Variants in CYP4Z1 observed in about 807,000 individuals in gnomAD.
CYP4Z1 encodes the protein cytochrome P450 family 4 subfamily Z member 1.
In CYP4Z1, 41 loss-of-function variants were observed where a neutral mutation model predicts 54.2. The observed-to-expected ratio is 0.76, with a 90% CI of 0.59 to 0.98. The LOEUF is 0.98. Among genes scored for constraint, CYP4Z1 ranks in the 50% least tolerant of loss-of-function variants. The pLI, the probability that CYP4Z1 is intolerant of heterozygous loss-of-function variation, is 0.00. For synonymous variants in CYP4Z1, 163 were observed against 206.2 expected, an observed-to-expected ratio of 0.79 and a Z score of 1.79; for missense variants, 513 against 599.0, an observed-to-expected ratio of 0.86 and a Z score of 1.50.
upstream of CYP4Z1, among the ~76,000 whole-genome samples, chr1:47,064,715 T>A (rs1482593769): frequency 6.6e-6 from 1 of 151,890 alleles, no homozygotes; most frequent in African/African-American, 2.4e-5. Flanking sequence ...TAATATTGAG[T>A]GTAAATGGCC....
intron 9 of CYP4Z1, among the ~76,000 whole-genome samples, chr1:47,114,459 C>T (rs1644815275): frequency 1.3e-5 from 2 of 152,170 alleles, no homozygotes; most frequent in African/African-American, 2.4e-5. Context: ...TCTTATTAAA[C>T]TAAAGAGCTT....
chr1:47,114,254 G>A (rs1644813721), intron 9 of CYP4Z1, among the ~76,000 whole-genome samples: 1 of 152,230 alleles, frequency 6.6e-6, no homozygotes, highest in Admixed American at 6.5e-5. Flanking sequence ...GCAGAAAGCT[G>A]AAACTGGATC....
At chr1:47,106,075 C>T (rs916548470) in intron 8 of CYP4Z1, 53 bp from the exon 9 acceptor site, 3 of 1,565,652 alleles carry the variant, frequency 1.9e-6, no homozygotes, top group Non-Finnish European at 2.6e-6. Flanking sequence ...GCTTTCAGTG[C>T]AATGCCTAAG....
chr1:47,101,044 G>A (rs1054707492), intron 8 of CYP4Z1, among the ~76,000 whole-genome samples: 28 of 152,156 alleles, frequency 1.8e-4, no homozygotes, highest in African/African-American at 6.3e-4. Flanking sequence ...TTGTTAGTGT[G>A]CAGTTGTTCA....
chr1:47,112,779 T>C (rs1272779798), intron 9 of CYP4Z1, among the ~76,000 whole-genome samples: 1 of 152,016 alleles, frequency 6.6e-6, no homozygotes, highest in African/African-American at 2.4e-5. Context: ...GCCAAGTAAG[T>C]AGGTCATATT....
chr1:47,102,383 C>T lies in CYP4Z1; in HGVS notation c.1067+3099C>T, dbSNP rs1363318576. 3.3e-5 allele frequency among the ~76,000 whole-genome samples: 5 copies of T among 152,188 alleles called. No individual in the cohort carries two copies. In the South Asian group the frequency reaches 1.0e-3, roughly 32 times the overall value. ...GTTAGGTTGTATTCTGTAGTGGTAC[C>T]ATTTGAGCTTTTTCTCTGTCTTGTT... On this transcript the variant is annotated intron_variant, in intron 8 of 11. Coordinates refer to ENST00000334194, the MANE Select transcript of CYP4Z1 (RefSeq NM_178134.3).
intron 9 of CYP4Z1, among the ~76,000 whole-genome samples, chr1:47,114,113 A>G (rs538831327): frequency 6.6e-6 from 1 of 152,318 alleles, no homozygotes; most frequent in Admixed American, 6.5e-5. Context: ...GATCAATGGA[A>G]CAGAACAGAG....
chr1:47,089,705 C>G (rs1317636172), intron 6 of CYP4Z1, among the ~76,000 whole-genome samples: 1 of 152,212 alleles, frequency 6.6e-6, no homozygotes, highest in Non-Finnish European at 1.5e-5. Context: ...AAACTCCAAA[C>G]AGTGCTGCAG....
intron 9 of CYP4Z1, among the ~76,000 whole-genome samples, chr1:47,108,121 G>A (rs1317733065): frequency 2.6e-5 from 4 of 152,244 alleles, no homozygotes; most frequent in Admixed American, 2.0e-4. Flanking sequence ...ATTCCTTTCC[G>A]CCACACCTTC....
intron 2 of CYP4Z1, among the ~76,000 whole-genome samples, 194 bp downstream of exon 2, chr1:47,068,957 T>C (rs1240098375): frequency 1.3e-5 from 2 of 152,186 alleles, no homozygotes; most frequent in Non-Finnish European, 2.9e-5. Flanking sequence ...GATTCTCTGA[T>C]CCATTTTCAA....
chr1:47,092,380 C>CT (rs1471307749), intron 6 of CYP4Z1, among the ~76,000 whole-genome samples: 12 of 151,962 alleles, frequency 7.9e-5, no homozygotes, highest in Admixed American at 3.9e-4. Flanking sequence ...CTATCTGGTC[C>CT]TATAGCTTGC....
intron 9 of CYP4Z1, among the ~76,000 whole-genome samples, chr1:47,114,421 C>T (rs1443537722): frequency 2.0e-5 from 3 of 152,124 alleles, no homozygotes; most frequent in Admixed American, 2.0e-4. Context: ...AAAGCAATGG[C>T]AACAAAAGCC....
At chr1:47,090,770 C>CTTGGGTGTGAT (rs2148533135) in intron 6 of CYP4Z1, among the ~76,000 whole-genome samples, 1 of 147,668 alleles carries the variant, frequency 6.8e-6, no homozygotes, top group East Asian at 2.0e-4. Flanking sequence ...CAGGCTTTGA[C>CTTGGGTGTGAT]TTGAGTGTGA....
At chr1:47,068,489 C>T in intron 1 of CYP4Z1, 133 bp from the exon 2 acceptor site, 1 of 1,193,830 alleles carries the variant, frequency 8.4e-7, no homozygotes, top group Non-Finnish European at 1.2e-6. Flanking sequence ...GAAAACTTGC[C>T]TTCAACAGAT....
At chr1:47,084,561 A>T in intron 4 of CYP4Z1, 59 bp from the exon 5 acceptor site, 5 of 1,541,882 alleles carry the variant, frequency 3.2e-6, no homozygotes, top group Non-Finnish European at 4.3e-6. Flanking sequence ...ACATAAAATA[A>T]CTTAGAAATT....
intron 6 of CYP4Z1, 71 bp from the exon 7 acceptor site, chr1:47,094,495 G>A: frequency 1.8e-6 from 2 of 1,090,474 alleles, no homozygotes; most frequent in South Asian, 3.1e-5. Flanking sequence ...CAGCTTCTCA[G>A]AACTACATTT....
chr1:47,112,842 C>T (rs7545399), intron 9 of CYP4Z1, among the ~76,000 whole-genome samples: 64,924 of 151,798 alleles, frequency 0.43, 15,219 homozygotes, highest in East Asian at 0.96. Context: ...TAATTTATTA[C>T]ATTTATAGGT....
intron 6 of CYP4Z1, among the ~76,000 whole-genome samples, 178 bp downstream of exon 6, chr1:47,085,156 T>G (rs1644583336): frequency 6.6e-6 from 1 of 152,180 alleles, no homozygotes; most frequent in Non-Finnish European, 1.5e-5. Flanking sequence ...GGTATTATAT[T>G]ATTGACTATA....
At chr1:47,061,276 G>C in the CYP4Z1 span, among the ~76,000 whole-genome samples, 22 of 151,966 alleles carry the variant, frequency 1.4e-4, 1 homozygote, top group South Asian at 1.9e-3. Context: ...AAGATATATA[G>C]GGCATTAGCC....
Sources: gnomAD v4.1 joint callset for allele counts (sites outside exome capture counted in the v4.1 genomes callset) on GRCh38, gnomAD v4.1.1 for gene constraint, MANE v1.5 for transcripts, NCBI Gene and HGNC (gene_info 2026-07-23, HGNC 2026-07-21) for gene names.